The following ATF1 variants were observed in gnomAD, a reference collection of about 807,000 sequenced individuals.
The protein encoded by ATF1 is activating transcription factor 1.
Under a neutral mutation model 34.7 loss-of-function variants are expected in ATF1, and 16 were observed. The ratio of observed to expected loss-of-function variants is 0.46; its 90% CI spans 0.31 to 0.70. The LOEUF (loss-of-function observed/expected upper bound fraction) is 0.70, where lower values mean the gene tolerates loss of function less well. ATF1 is among the 30% of genes least tolerant of loss of function. The pLI is 0.05. For synonymous variants in ATF1, 105 were observed against 113.1 expected, an observed-to-expected ratio of 0.93 and a Z score of 0.46; for missense variants, 255 against 321.6, an observed-to-expected ratio of 0.79 and a Z score of 1.58.
At chr12:50,814,470 G>T (rs781084925) in intron 6 of ATF1, 31 bp downstream of exon 6, 1 of 1,599,232 alleles carries the variant, frequency 6.3e-7, no homozygotes, top group Non-Finnish European at 8.6e-7. Context: ...ACCAGAATGG[G>T]TAATGTTTTT....
intron 1 of ATF1, among the ~76,000 whole-genome samples, chr12:50,769,419 G>A (rs746946264): frequency 6.6e-6 from 1 of 151,824 alleles, no homozygotes; most frequent in Admixed American, 6.6e-5. Flanking sequence ...CAGGAGAAGC[G>A]CTTGAACCTG....
intron 2 of ATF1, among the ~76,000 whole-genome samples, chr12:50,786,315 G>GGGCAT (rs2139658382): frequency 6.6e-6 from 1 of 152,314 alleles, no homozygotes; most frequent in African/African-American, 2.4e-5. Context: ...GGTGGGGTGT[G>GGGCAT]GGCATGGCTC....
chr12:50,805,622 T>C (rs1305019319), intron 3 of ATF1, among the ~76,000 whole-genome samples: 3 of 151,834 alleles, frequency 2.0e-5, no homozygotes, highest in Admixed American at 1.3e-4. Context: ...AAATGGTTCT[T>C]AGGTAGGGAA....
chr12:50,803,250 AAG>A (rs1273364173), intron 3 of ATF1, among the ~76,000 whole-genome samples: 1 of 88,774 alleles, frequency 1.1e-5, no homozygotes. Flanking sequence ...CTTGGGTGAC[AAG>A]AGCGAAACTC....
chr12:50,771,268 A>C lies in ATF1; in HGVS notation c.-7+6961A>C, dbSNP rs1191153375. Among the ~76,000 whole-genome samples the C allele has an allele frequency of 2.0e-5, 3 of 152,138 alleles. No individual in the cohort carries two copies. In the East Asian group the frequency reaches 5.8e-4, roughly 29 times the overall value. ...TAATCCACCTGCCTCGGCCTCCCAAAGTGCTGGATTACAGGTGTGAGCCAC... is the reference window on the plus strand; with the variant it reads ...TAATCCACCTGCCTCGGCCTCCCAACGTGCTGGATTACAGGTGTGAGCCAC... On this transcript the variant is annotated intron_variant, in intron 1 of 6. Coordinates refer to ENST00000262053, the MANE Select transcript of ATF1 (RefSeq NM_005171.5).
chr12:50,782,281 T>C (rs1367728628), intron 2 of ATF1, among the ~76,000 whole-genome samples: 2 of 152,028 alleles, frequency 1.3e-5, no homozygotes, highest in East Asian at 3.9e-4. Flanking sequence ...TTTGAGACAG[T>C]GTCTCGCTCT....
intron 1 of ATF1, among the ~76,000 whole-genome samples, chr12:50,778,596 CTT>C (rs113035498): frequency 7.2e-6 from 1 of 138,078 alleles, no homozygotes. Flanking sequence ...ATGTCCAGAA[CTT>C]TTTTTTTTTT....
chr12:50,790,038 T>C (rs1565907934), intron 2 of ATF1, among the ~76,000 whole-genome samples: 1 of 152,130 alleles, frequency 6.6e-6, no homozygotes, highest in Non-Finnish European at 1.5e-5. Flanking sequence ...CTTTGAGGAA[T>C]GATGGCCCTT....
In ATF1 at chr12:50,814,387, A is replaced by G; in HGVS notation, c.619A>G (p.Thr207Ala). ...TCCTGTGACTCTCACCTCTCAGACA[A>G]CTAAGACAGATGACCCCCAATTGAA... ...TSPVTLTSQT[T>A]KTDDPQLKRE... The change falls in exon 6 of 7, where the codon ACT (threonine) becomes GCT (alanine). Residue 207 changes from threonine (T) to alanine (A), a missense_variant. Physicochemically the swap from Thr to Ala is moderately conservative, Grantham distance 58. Around this residue, in one of 2 missense-constraint regions of ATF1, gnomAD observed 221 missense variants for 250.7 expected, o/e 0.88. Transcript: ENST00000262053. The G allele has an allele frequency of 6.2e-7, 1 of 1,614,210 alleles. No homozygotes were observed. Among genetic ancestry groups the G allele is most frequent in the Non-Finnish European group, 8.5e-7 (1 of 1,180,030 alleles).
intron 1 of ATF1, among the ~76,000 whole-genome samples, chr12:50,775,430 T>C (rs1421331779): frequency 6.6e-6 from 1 of 152,122 alleles, no homozygotes; most frequent in African/African-American, 2.4e-5. Context: ...GGCATGATAA[T>C]GGCCCACTGC....
intron 3 of ATF1, chr12:50,806,381 TA>T: frequency 2.0e-6 from 1 of 507,394 alleles, no homozygotes; most frequent in Non-Finnish European, 4.0e-6. Flanking sequence ...CAAAATGCCA[TA>T]AGGATGACAG....
At chr12:50,800,380 G>C in intron 3 of ATF1, among the ~76,000 whole-genome samples, 1 of 152,280 alleles carries the variant, frequency 6.6e-6, no homozygotes, top group African/African-American at 2.4e-5. Flanking sequence ...TTCTTAAGAC[G>C]AAAGAAAGTT....
intron 3 of ATF1, among the ~76,000 whole-genome samples, chr12:50,799,262 G>A (rs1304646142): frequency 6.6e-6 from 1 of 152,108 alleles, no homozygotes. Context: ...GTGTGTACCT[G>A]TAGTCCCAGT....
intron 6 of ATF1, among the ~76,000 whole-genome samples, chr12:50,815,738 G>A (rs1941830674): frequency 6.6e-6 from 1 of 151,912 alleles, no homozygotes. Flanking sequence ...AAACCAGTAT[G>A]GAGACTTCTC....
Position 50,820,156 on chromosome 12 carries a change from CTT to C in ATF1, c.*383_*384del, listed in dbSNP as rs889359479. ...TTTGCATTTGTTTGCTGAAATTTAC[CTT>C]TTTTTAGTTATATATATGTGTGTGT... On this transcript the variant is annotated 3_prime_UTR_variant, in exon 7 of 7. Transcript: ENST00000262053. 1 of 229,946 alleles carries C rather than the reference CTT, an allele frequency of 4.3e-6. No individual in the cohort carries two copies. Among genetic ancestry groups the C allele is most frequent in the African/African-American group, 2.3e-5 (1 of 44,164 alleles). 14.2% of individuals were successfully genotyped at this position (229,946 alleles called of 1,614,324 possible).
rs750668800 is a variant in ATF1 at position 50,819,704 on chromosome 12, C to T, written c.741C>T (p.Val247=). ...YVKCLENRVA[V]LENQNKTLIE... is the part of the protein sequence containing the mutation. The stretch of plus-strand genomic sequence containing the variant: ...AATGCCTGGAAAACCGAGTTGCAGT[C>T]CTGGAAAATCAAAATAAAACTCTAA... Residue 247 remains valine, a synonymous_variant, in exon 7 of 7, where the codon GTC becomes GTT. Coordinates refer to ENST00000262053, the MANE Select transcript of ATF1 (RefSeq NM_005171.5). 3 of 1,610,220 alleles carry T rather than the reference C, an allele frequency of 1.9e-6. No homozygotes were observed. The Admixed American group carries it at 5.0e-5, about 27-fold the overall frequency.
intron 4 of ATF1, among the ~76,000 whole-genome samples, chr12:50,810,585 G>GT (rs764585417): frequency 4.6e-5 from 7 of 152,174 alleles, no homozygotes; most frequent in Non-Finnish European, 8.8e-5. Flanking sequence ...TCTTTGGGGA[G>GT]TTTAAGTCTA....
intron 1 of ATF1, among the ~76,000 whole-genome samples, chr12:50,770,983 C>T (rs1940755944): frequency 1.3e-5 from 2 of 151,950 alleles, no homozygotes; most frequent in African/African-American, 2.4e-5. Flanking sequence ...AATAACTTTA[C>T]TTATTTTGCT....
intron 2 of ATF1, among the ~76,000 whole-genome samples, chr12:50,786,718 A>G (rs528624030): frequency 1.3e-5 from 2 of 152,302 alleles, no homozygotes; most frequent in African/African-American, 2.4e-5. Context: ...GGCTTAGACT[A>G]TTAGAGTTTT....
Sources: gnomAD v4.1 joint callset for allele counts (sites outside exome capture counted in the v4.1 genomes callset) on GRCh38, gnomAD v4.1.1 for gene constraint, gnomAD v4.1.1 regional missense constraint, MANE v1.5 for transcripts, NCBI Gene and HGNC (gene_info 2026-07-23, HGNC 2026-07-21) for gene names.